AHCYL2: variants seen among roughly 807,000 people sequenced by gnomAD.
AHCYL2 encodes adenosylhomocysteinase like 2, also known as S-adenosylhomocysteine hydrolase-like protein 2.
Under a neutral mutation model 81.4 loss-of-function variants are expected in AHCYL2, and 28 were observed. That is an observed-to-expected ratio of 0.34 (90% confidence interval 0.25 to 0.47). The LOEUF (loss-of-function observed/expected upper bound fraction) is 0.47, where lower values mean the gene tolerates loss of function less well. Ranked by LOEUF, AHCYL2 falls within the 20% of genes least tolerant of loss-of-function variation. AHCYL2 has a pLI of 1.00. For missense variants in AHCYL2, 551 were observed against 785.1 expected (o/e 0.70, Z 3.56); for synonymous variants, 272 against 290.2 (o/e 0.94, Z 0.64).
chr7:129,311,245 A>T (rs1287113522), intron 1 of AHCYL2, among the ~76,000 whole-genome samples: 1 of 152,222 alleles, frequency 6.6e-6, no homozygotes, highest in African/African-American at 2.4e-5. Context: ...AAGGAACATG[A>T]TTCAAAGCAT....
At chr7:129,266,465 G>C (rs1008391247) in intron 1 of AHCYL2, among the ~76,000 whole-genome samples, 2 of 150,920 alleles carry the variant, frequency 1.3e-5, no homozygotes, top group Non-Finnish European at 3.0e-5. Context: ...AGGCAGAGAG[G>C]TTGCAGTGAG....
At chr7:129,339,912 TG>T (rs1793102571) in intron 1 of AHCYL2, among the ~76,000 whole-genome samples, 1 of 126,916 alleles carries the variant, frequency 7.9e-6, no homozygotes, top group African/African-American at 2.8e-5. Flanking sequence ...CCTTTTCCTC[TG>T]CTCTTTTTTT....
intron 4 of AHCYL2, among the ~76,000 whole-genome samples, chr7:129,393,940 T>C (rs1188710630): frequency 6.6e-6 from 1 of 152,210 alleles, no homozygotes; most frequent in Non-Finnish European, 1.5e-5. Flanking sequence ...TTTTGAGCAC[T>C]CCGTTGTGAT....
chr7:129,339,608 C>T (rs1793090161), intron 1 of AHCYL2, among the ~76,000 whole-genome samples: 1 of 151,694 alleles, frequency 6.6e-6, no homozygotes, highest in African/African-American at 2.4e-5. Flanking sequence ...GCTGGCTCAT[C>T]GCAGCCTCAA....
At chr7:129,331,607 G>T (rs1400117763) in intron 1 of AHCYL2, among the ~76,000 whole-genome samples, 2 of 152,070 alleles carry the variant, frequency 1.3e-5, no homozygotes, top group African/African-American at 4.8e-5. Flanking sequence ...ACTTTGGGAG[G>T]CCAAGGCGGG....
At chr7:129,248,334 C>T (rs1795130328) in intron 1 of AHCYL2, among the ~76,000 whole-genome samples, 1 of 152,144 alleles carries the variant, frequency 6.6e-6, no homozygotes, top group Admixed American at 6.5e-5. Flanking sequence ...GCTCGAGTCC[C>T]TTATATAAAA....
At chr7:129,348,245 A>G (rs975279901) in intron 1 of AHCYL2, among the ~76,000 whole-genome samples, 13 of 152,218 alleles carry the variant, frequency 8.5e-5, no homozygotes, top group Admixed American at 2.6e-4. Flanking sequence ...TGGTATATCT[A>G]TAAAATAGAA....
chr7:129,361,590 A>G (rs1793931936), intron 1 of AHCYL2, among the ~76,000 whole-genome samples: 1 of 152,160 alleles, frequency 6.6e-6, no homozygotes, highest in Non-Finnish European at 1.5e-5. Context: ...AGAAGGATGT[A>G]CATGCTGTAA....
At chr7:129,354,340 A>G (rs1793666677) in intron 1 of AHCYL2, among the ~76,000 whole-genome samples, 2 of 152,232 alleles carry the variant, frequency 1.3e-5, no homozygotes, top group African/African-American at 4.8e-5. Flanking sequence ...TTTCCATTTA[A>G]TGATTTTAGT....
chr7:129,293,392 G>T (rs920397415), intron 1 of AHCYL2, among the ~76,000 whole-genome samples: 1 of 152,074 alleles, frequency 6.6e-6, no homozygotes, highest in Non-Finnish European at 1.5e-5. Flanking sequence ...AAATGTTCTA[G>T]TAGAAGCCAC....
intron 1 of AHCYL2, among the ~76,000 whole-genome samples, chr7:129,307,422 G>A (rs971308406): frequency 6.6e-6 from 1 of 151,710 alleles, no homozygotes; most frequent in Admixed American, 6.6e-5. Flanking sequence ...GGGCACCACT[G>A]ATGTTCACTT....
At chr7:129,325,626 T>G (rs536698921) in intron 1 of AHCYL2, among the ~76,000 whole-genome samples, 1 of 152,336 alleles carries the variant, frequency 6.6e-6, no homozygotes, top group South Asian at 2.1e-4. Context: ...TTTCTTACCT[T>G]TCCTTTGGAG....
At chr7:129,383,953 G>GT (rs1204349662) in intron 2 of AHCYL2, among the ~76,000 whole-genome samples, 5 of 152,082 alleles carry the variant, frequency 3.3e-5, no homozygotes, top group South Asian at 2.1e-4. Flanking sequence ...ACAATGTGTT[G>GT]TATTCTAGAA....
intron 1 of AHCYL2, among the ~76,000 whole-genome samples, chr7:129,374,026 T>C (rs1164053332): frequency 6.6e-6 from 1 of 152,212 alleles, no homozygotes; most frequent in Non-Finnish European, 1.5e-5. Context: ...TAATTAGGTG[T>C]TTTAGAATTG....
intron 1 of AHCYL2, among the ~76,000 whole-genome samples, chr7:129,262,119 C>A (rs1795664041): frequency 1.3e-5 from 2 of 152,220 alleles, no homozygotes; most frequent in Admixed American, 1.3e-4. Context: ...GATTCTTGGG[C>A]TCCAAATATA....
chr7:129,417,142 T>A (rs544854935), intron 12 of AHCYL2, among the ~76,000 whole-genome samples: 33 of 152,136 alleles, frequency 2.2e-4, no homozygotes, highest in African/African-American at 7.5e-4. Flanking sequence ...AAAAATTTTT[T>A]AAAAAAAGAT....
intron 2 of AHCYL2, among the ~76,000 whole-genome samples, chr7:129,387,488 T>C (rs923211969): frequency 6.6e-6 from 1 of 152,194 alleles, no homozygotes; most frequent in Non-Finnish European, 1.5e-5. Flanking sequence ...AGCATAAAAA[T>C]CATCATGACT....
chr7:129,323,235 T>C (rs1398511395), intron 1 of AHCYL2, among the ~76,000 whole-genome samples: 2 of 152,188 alleles, frequency 1.3e-5, no homozygotes, highest in South Asian at 2.1e-4. Context: ...AATTTCCCTC[T>C]AAGTGCTGCT....
At chr7:129,285,912 T>C (rs1796615267) in intron 1 of AHCYL2, among the ~76,000 whole-genome samples, 1 of 151,982 alleles carries the variant, frequency 6.6e-6, no homozygotes, top group South Asian at 2.1e-4. Context: ...GGGTCTCTCT[T>C]TGTTGCCCAA....
Sources: allele counts gnomAD v4.1 joint callset (sites outside exome capture counted in the v4.1 genomes callset), GRCh38; gene constraint gnomAD v4.1.1; transcripts MANE v1.5; gene names NCBI Gene and HGNC (gene_info 2026-07-23, HGNC 2026-07-21).